The following GTF2A1L variants were observed in gnomAD, a reference collection of about 807,000 sequenced individuals.
GTF2A1L encodes general transcription factor IIA subunit 1 like.
GTF2A1L carries 48 observed loss-of-function variants against 49.7 expected under a neutral mutation model. That is an observed-to-expected ratio of 0.97 (90% CI 0.77 to 1.23). The LOEUF (loss-of-function observed/expected upper bound fraction) is 1.23. Among genes scored for constraint, GTF2A1L ranks in the 50% most tolerant of loss-of-function variants. The pLI, the probability that GTF2A1L is intolerant of heterozygous loss-of-function variation, is 0.00. For synonymous variants in GTF2A1L, 246 were observed against 193.5 expected (o/e 1.27, Z -2.25); for missense variants, 736 against 564.8 (o/e 1.30, Z -3.07).
chr2:48,651,725 T>G (rs1310707733), intron 6 of GTF2A1L, among the ~76,000 whole-genome samples: 1 of 152,220 alleles, frequency 6.6e-6, no homozygotes, highest in Non-Finnish European at 1.5e-5. Context: ...TCAAAAAATG[T>G]AGGCAGAATA....
In GTF2A1L at chr2:48,679,521, A is replaced by G; in HGVS notation, c.*79A>G. The G allele has an allele frequency of 1.3e-6, 2 of 1,584,470 alleles. No homozygotes were observed. The highest frequency in any genetic ancestry group is 1.2e-5 in the South Asian group (1 of 85,436). On this transcript the variant is annotated 3_prime_UTR_variant, in exon 9 of 9. Transcript: ENST00000403751. ...TATTGTGAATTCATTTTTATTTTGA[A>G]TATAGTCCAGCACAGAGCTGTTCAA...
At chr2:48,645,708 G>A (rs965043726) in intron 5 of GTF2A1L, among the ~76,000 whole-genome samples, 21 of 152,284 alleles carry the variant, frequency 1.4e-4, no homozygotes, top group Admixed American at 1.2e-3. Context: ...TAGTGCAGTG[G>A]CGCAATCTCT....
intron 3 of GTF2A1L, among the ~76,000 whole-genome samples, chr2:48,632,021 T>C (rs1676605959): frequency 6.6e-6 from 1 of 152,214 alleles, no homozygotes; most frequent in Non-Finnish European, 1.5e-5. Context: ...GTTTTTTGCT[T>C]CCAACTGTTA....
chr2:48,642,489 G>T (rs758330898), intron 4 of GTF2A1L, 32 bp downstream of exon 4: 2 of 1,540,024 alleles, frequency 1.3e-6, no homozygotes, highest in Non-Finnish European at 1.8e-6. Context: ...TATTTTAAAA[G>T]ACATGTCCCA....
At chr2:48,621,407 A>G (rs1675994187) in intron 3 of GTF2A1L, 117 bp downstream of exon 3, 1 of 1,384,224 alleles carries the variant, frequency 7.2e-7, no homozygotes, top group South Asian at 1.4e-5. Context: ...GGACACCTAA[A>G]TCATTTCTAT....
intron 8 of GTF2A1L, among the ~76,000 whole-genome samples, chr2:48,678,236 T>A (rs1679580329): frequency 6.6e-6 from 1 of 152,100 alleles, no homozygotes; most frequent in Admixed American, 6.6e-5. Context: ...CTTCTGTTGT[T>A]CTCCTAATGC....
At chr2:48,636,917 A>T (rs1524158) in intron 3 of GTF2A1L, among the ~76,000 whole-genome samples, 133,731 of 152,138 alleles carry the variant, frequency 0.88, 59,096 homozygotes, top group East Asian at 0.99. Flanking sequence ...TGATCTTTTT[A>T]AAATGATACT....
At chr2:48,646,109 GT>G (rs537941156) in intron 5 of GTF2A1L, among the ~76,000 whole-genome samples, 1 of 152,070 alleles carries the variant, frequency 6.6e-6, no homozygotes, top group East Asian at 1.9e-4. Flanking sequence ...TTAAAATCCA[GT>G]TTTTTGGCTG....
intron 6 of GTF2A1L, among the ~76,000 whole-genome samples, chr2:48,666,870 T>C (rs1010242845): frequency 1.3e-5 from 2 of 152,154 alleles, no homozygotes; most frequent in African/African-American, 4.8e-5. Context: ...CCTAAATTAT[T>C]TGGTGTATCA....
chr2:48,633,176 AC>A, intron 3 of GTF2A1L: 1 of 221,240 alleles, frequency 4.5e-6, no homozygotes. Context: ...TGCTTTCGGT[AC>A]CCTCACCCTC....
intron 4 of GTF2A1L, among the ~76,000 whole-genome samples, chr2:48,644,440 T>G (rs945034947): frequency 6.6e-6 from 1 of 152,248 alleles, no homozygotes; most frequent in African/African-American, 2.4e-5. Flanking sequence ...TAACAAACTT[T>G]TGTTGGTGAA....
At position 48,627,772 on chromosome 2, in the gene GTF2A1L, A is replaced by G. The variant is rs139844314; in HGVS notation, c.247+6482A>G. ...AGGGGTACACAGGCAGGTTTGTTAC[A>G]TGGGTATATTGCATGATTCTGAGGT... On this transcript the variant is annotated intron_variant, in intron 3 of 8. Transcript: ENST00000403751. 7.8e-3 allele frequency among the ~76,000 whole-genome samples: 1,111 copies of G among 143,048 alleles called. 75 individuals are homozygous for G. Among genetic ancestry groups the G allele is most frequent in the African/African-American group, 0.026 (1,059 of 40,368 alleles). The allele number at this position is 143,048 out of a possible 152,430, so 93.8% of individuals were successfully genotyped here.
intron 3 of GTF2A1L, among the ~76,000 whole-genome samples, chr2:48,622,813 G>A (rs1353384058): frequency 1.4e-5 from 2 of 144,540 alleles, no homozygotes; most frequent in Non-Finnish European, 3.0e-5. Flanking sequence ...CAGCCTGGGC[G>A]ACACAGTGAG....
intron 6 of GTF2A1L, among the ~76,000 whole-genome samples, chr2:48,657,859 T>C (rs1455127989): frequency 6.6e-6 from 1 of 152,306 alleles, no homozygotes. Flanking sequence ...TGATTAGTGA[T>C]GTGGAACATT....
At chr2:48,676,460 C>G (rs1353222835) in intron 8 of GTF2A1L, among the ~76,000 whole-genome samples, 1 of 151,526 alleles carries the variant, frequency 6.6e-6, no homozygotes, top group Admixed American at 6.6e-5. Context: ...AAAAGTGATA[C>G]CTTGTTGGAA....
Position 48,656,348 on chromosome 2 carries a change from G to GTTTT in GTF2A1L, c.978+9332_978+9335dup, listed in dbSNP as rs367837291. On this transcript the variant is annotated intron_variant, in intron 6 of 8. Coordinates refer to ENST00000403751, the MANE Select transcript of GTF2A1L (RefSeq NM_006872.5). ...ATATCCCCACCAACGCTTATTTTCT[G>GTTTT]TTTTTTTTTTTTTTTTTTTTTTTTT... Among the ~76,000 whole-genome samples, 84 of 114,506 alleles carry GTTTT rather than the reference G, an allele frequency of 7.3e-4. 3 individuals carry two copies. Among genetic ancestry groups the GTTTT allele is most frequent in the African/African-American group, 2.5e-3 (71 of 28,686 alleles). The allele number at this position is 114,506 out of a possible 152,430, so 75.1% of individuals were successfully genotyped here. A position where few individuals can be genotyped will look rare whatever the true frequency, so the allele number is the denominator to read the frequency against.
intron 3 of GTF2A1L, 121 bp downstream of exon 3, chr2:48,621,411 T>C: frequency 7.3e-7 from 1 of 1,369,690 alleles, no homozygotes; most frequent in Non-Finnish European, 9.9e-7. Flanking sequence ...ACCTAAATCA[T>C]TTCTATTAAA....
chr2:48,651,118 G>T (rs1185828439), intron 6 of GTF2A1L, among the ~76,000 whole-genome samples: 1 of 152,038 alleles, frequency 6.6e-6, no homozygotes, highest in African/African-American at 2.4e-5. Flanking sequence ...CTTGCTTATT[G>T]TACTACCCAG....
At chr2:48,669,659 T>G in intron 6 of GTF2A1L, 63 bp from the exon 7 acceptor site, 1 of 1,512,526 alleles carries the variant, frequency 6.6e-7, no homozygotes, top group Non-Finnish European at 8.8e-7. Flanking sequence ...ATTTTAAATT[T>G]GGATTCAATA....
Sources: gnomAD v4.1 joint callset for allele counts (sites outside exome capture counted in the v4.1 genomes callset) on GRCh38, gnomAD v4.1.1 for gene constraint, MANE v1.5 for transcripts, NCBI Gene and HGNC (gene_info 2026-07-23, HGNC 2026-07-21) for gene names.